The following PTPRG variants were observed in gnomAD, a reference collection of about 807,000 sequenced individuals.
PTPRG encodes the protein receptor-type tyrosine-protein phosphatase gamma.
Under a neutral mutation model 165.3 loss-of-function variants are expected in PTPRG, and 102 were observed. The ratio of observed to expected loss-of-function variants is 0.62; its 90% CI spans 0.53 to 0.73. The LOEUF (loss-of-function observed/expected upper bound fraction) is 0.73. PTPRG is among the 30% of genes least tolerant of loss of function. The pLI is 0.00. For missense variants in PTPRG, 1,866 were observed against 1,861.4 expected (o/e 1.00, Z -0.05); for synonymous variants, 675 against 669.5 (o/e 1.01, Z -0.13).
At chr3:61,947,865 C>A (rs1462115895) in intron 2 of PTPRG, among the ~76,000 whole-genome samples, 1 of 152,216 alleles carries the variant, frequency 6.6e-6, no homozygotes, top group African/African-American at 2.4e-5. Context: ...GTCTGCCTGC[C>A]TCCTTTTTCA....
intron 4 of PTPRG, among the ~76,000 whole-genome samples, chr3:62,061,632 CTTTT>C (rs59972737): frequency 2.1e-5 from 3 of 142,412 alleles, no homozygotes; most frequent in Non-Finnish European, 3.0e-5. Flanking sequence ...CTTTTCTTTT[CTTTT>C]TTTTTTTTTT....
rs370434986 is a variant in PTPRG, at chr3:62,119,809, G to A, written c.616-12793G>A. 4.5e-3 allele frequency among the ~76,000 whole-genome samples: 209 copies of A among 46,870 alleles called. 3 individuals carry two copies. Among genetic ancestry groups the A allele is most frequent in the South Asian group, 0.039 (60 of 1,548 alleles). The allele number at this position is 46,870 out of a possible 152,430, so 30.7% of individuals were successfully genotyped here. A position where few individuals can be genotyped will look rare whatever the true frequency, so the allele number is the denominator to read the frequency against. On this transcript the variant is annotated intron_variant, in intron 5 of 29. Transcript: ENST00000474889. The stretch of plus-strand genomic sequence containing the variant: ...CTAATTTTTTTTTTTTTTTTTTTTT[G>A]TATTTTAGTAGAGGCGGGGTTTCAC...
chr3:62,059,592 C>G (rs1263306477), intron 4 of PTPRG, among the ~76,000 whole-genome samples: 1 of 152,206 alleles, frequency 6.6e-6, no homozygotes, highest in Non-Finnish European at 1.5e-5. Flanking sequence ...AATCCCAGCT[C>G]TCTGGGAGGC....
intron 10 of PTPRG, among the ~76,000 whole-genome samples, chr3:62,198,611 A>G (rs549757395): frequency 7.9e-5 from 12 of 152,332 alleles, no homozygotes; most frequent in South Asian, 6.2e-4. Flanking sequence ...AAAGGAACCA[A>G]TTATATTCAA....
intron 7 of PTPRG, among the ~76,000 whole-genome samples, chr3:62,164,236 A>G (rs1374161016): frequency 6.6e-6 from 1 of 152,160 alleles, no homozygotes; most frequent in Non-Finnish European, 1.5e-5. Context: ...GAATCAAACA[A>G]AGTGGAGGTC....
intron 1 of PTPRG, among the ~76,000 whole-genome samples, chr3:61,710,389 C>G (rs1416381598): frequency 1.3e-5 from 2 of 152,010 alleles, no homozygotes; most frequent in Non-Finnish European, 2.9e-5. Context: ...GTAGTGCGTA[C>G]AATAGTTCTA....
At chr3:61,980,902 C>T (rs1016178543) in intron 2 of PTPRG, among the ~76,000 whole-genome samples, 6 of 152,182 alleles carry the variant, frequency 3.9e-5, no homozygotes, top group African/African-American at 1.4e-4. Flanking sequence ...AGGGCCTCTT[C>T]TCCCCTACAG....
At chr3:62,100,229 G>A (rs540690355) in intron 5 of PTPRG, among the ~76,000 whole-genome samples, 3 of 152,202 alleles carry the variant, frequency 2.0e-5, no homozygotes, top group African/African-American at 4.8e-5. Context: ...GTGTTTTTGT[G>A]TATGAAAAAT....
intron 2 of PTPRG, among the ~76,000 whole-genome samples, chr3:61,795,130 G>C (rs1476063790): frequency 6.6e-6 from 1 of 152,122 alleles, no homozygotes; most frequent in Non-Finnish European, 1.5e-5. Context: ...CCATTTTACA[G>C]ATGAGGGAAC....
chr3:62,277,888 A>G (rs1702286334), intron 26 of PTPRG, among the ~76,000 whole-genome samples: 1 of 152,086 alleles, frequency 6.6e-6, no homozygotes, highest in South Asian at 2.1e-4. Flanking sequence ...CTCTGATGCT[A>G]TTGATATCAC....
At chr3:61,844,348 A>C (rs1372196213) in intron 2 of PTPRG, among the ~76,000 whole-genome samples, 1 of 152,210 alleles carries the variant, frequency 6.6e-6, no homozygotes, top group East Asian at 1.9e-4. Context: ...AAAATACAGG[A>C]TGCCCACTTA....
intron 15 of PTPRG, among the ~76,000 whole-genome samples, chr3:62,249,480 C>T (rs1272633991): frequency 1.3e-5 from 2 of 152,030 alleles, no homozygotes; most frequent in Non-Finnish European, 2.9e-5. Flanking sequence ...TTTCTCTGCC[C>T]ATGGAGATTT....
chr3:61,729,132 G>T (rs1559578226), intron 1 of PTPRG, among the ~76,000 whole-genome samples: 1 of 152,116 alleles, frequency 6.6e-6, no homozygotes, highest in Non-Finnish European at 1.5e-5. Flanking sequence ...GGGGCTTACA[G>T]AATTAAATAC....
At chr3:61,671,917 C>G (rs1363771794) in intron 1 of PTPRG, among the ~76,000 whole-genome samples, 1 of 144,846 alleles carries the variant, frequency 6.9e-6, no homozygotes, top group Non-Finnish European at 1.5e-5. Context: ...CCACCTCCCT[C>G]CCGGACGAGG....
chr3:61,700,050 C>G (rs557362232), intron 1 of PTPRG, among the ~76,000 whole-genome samples: 1 of 152,188 alleles, frequency 6.6e-6, no homozygotes, highest in East Asian at 1.9e-4. Flanking sequence ...GTGAGGGGGT[C>G]TGTGTGGTCC....
intron 1 of PTPRG, among the ~76,000 whole-genome samples, chr3:61,585,788 A>G (rs1700421154): frequency 6.6e-6 from 1 of 152,232 alleles, no homozygotes; most frequent in Non-Finnish European, 1.5e-5. Context: ...ATATTAAAAC[A>G]TCTTTTATTC....
rs564161361 is a variant in PTPRG at position 61,684,641 on chromosome 3, G to A, written c.86-64237G>A. 9.2e-5 allele frequency among the ~76,000 whole-genome samples: 14 copies of A among 152,280 alleles called. No homozygotes were observed. The South Asian group carries it at 2.9e-3, about 32-fold the overall frequency. On this transcript the variant is annotated intron_variant, in intron 1 of 29. Coordinates refer to ENST00000474889, the MANE Select transcript of PTPRG (RefSeq NM_002841.4). ...GGGAAACACAGGTCATAAAAGCGGG[G>A]GCCTCTGATCCTGGGGCATTTACAG... is the stretch of plus-strand genomic sequence containing the variant.
intron 2 of PTPRG, among the ~76,000 whole-genome samples, chr3:61,960,514 A>G (rs768943826): frequency 2.6e-5 from 4 of 151,904 alleles, no homozygotes; most frequent in Non-Finnish European, 5.9e-5. Context: ...TATGAAGTCT[A>G]CTCTGGAGAC....
chr3:61,738,974 T>TG (rs2032874831), intron 1 of PTPRG, among the ~76,000 whole-genome samples: 1 of 58,516 alleles, frequency 1.7e-5, no homozygotes, highest in Non-Finnish European at 3.6e-5. Context: ...TCTGTTGCTT[T>TG]TTTTTTTTTT....
Sources: allele counts gnomAD v4.1 joint callset (sites outside exome capture counted in the v4.1 genomes callset), GRCh38; gene constraint gnomAD v4.1.1; transcripts MANE v1.5; gene names NCBI Gene and HGNC (gene_info 2026-07-23, HGNC 2026-07-21).